The following E2F3 variants were observed in gnomAD, a reference collection of about 807,000 sequenced individuals.
E2F3 encodes the protein transcription factor E2F3.
Under a neutral mutation model 44.4 loss-of-function variants are expected in E2F3, and 11 were observed. That is an observed-to-expected ratio of 0.25 (90% CI 0.16 to 0.41). E2F3 has a LOEUF of 0.41. E2F3 is among the 10% of genes least tolerant of loss of function. E2F3 has a pLI of 1.00. For synonymous variants in E2F3, 249 were observed against 253.0 expected (o/e 0.98, Z 0.15); for missense variants, 487 against 583.6 (o/e 0.83, Z 1.70).
At position 20,490,464 on chromosome 6, in the gene E2F3, T is replaced by C. The variant is rs1248478834; in HGVS notation, c.*34T>C. 3.3e-6 allele frequency: 5 copies of C among 1,516,478 alleles called. No homozygotes were observed. The highest frequency in any genetic ancestry group is 4.4e-6 in the Non-Finnish European group (5 of 1,131,732). The allele number at this position is 1,516,478 out of a possible 1,614,324, so 93.9% of individuals were successfully genotyped here. The stretch of plus-strand genomic sequence containing the variant: ...CGTGTGAACTCTCCTTAAAAACCGA[T>C]ATTTTTTTATCATGGAACCAGAACA... On this transcript the variant is annotated 3_prime_UTR_variant, in exon 7 of 7. Coordinates refer to ENST00000346618, the MANE Select transcript of E2F3 (RefSeq NM_001949.5). The surrounding 1 kb of genome is among the most constrained non-coding windows in gnomAD (Gnocchi z 4.3).
chr6:20,403,359 C>T (rs1034497635), intron 1 of E2F3, among the ~76,000 whole-genome samples: 8 of 151,890 alleles, frequency 5.3e-5, no homozygotes, highest in African/African-American at 1.7e-4. Flanking sequence ...CCCAAGCGCC[C>T]AGGCCTTCCT....
chr6:20,490,333 A>G lies in E2F3; in HGVS notation c.1301A>G (p.Tyr434Cys). ...NLLPPLLQED[Y>C]LLSLGEEEGI... ...CTGCCTCCCCTGCTGCAAGAGGACT[A>G]TCTCCTGAGCCTCGGGGAGGAGGAA... Residue 434 changes from tyrosine (Y) to cysteine (C), a missense_variant, in exon 7 of 7, where the codon TAT becomes TGT. Physicochemically the swap from Tyr to Cys is radical, Grantham distance 194. Coordinates refer to ENST00000346618, the MANE Select transcript of E2F3 (RefSeq NM_001949.5). The surrounding 1 kb of genome is among the most constrained non-coding windows in gnomAD (Gnocchi z 4.3). 2 of 1,614,060 alleles carry G rather than the reference A, an allele frequency of 1.2e-6. No homozygotes were observed. The highest frequency in any genetic ancestry group is 1.3e-5 in the African/African-American group (1 of 75,040).
rs111372536 is a variant in E2F3, at chr6:20,460,072, C to G, written c.394-19774C>G. On this transcript the variant is annotated intron_variant, in intron 1 of 6. Coordinates refer to ENST00000346618, the MANE Select transcript of E2F3 (RefSeq NM_001949.5). ...TCTCATCCGCTCATTCATTCTTTCA[C>G]TAAATGTTATTCTTTGTCAGTGTTC... 5.6e-3 allele frequency among the ~76,000 whole-genome samples: 856 copies of G among 152,358 alleles called. 9 individuals carry two copies. The highest frequency in any genetic ancestry group is 0.019 in the African/African-American group (788 of 41,582).
rs80004861 is a variant in E2F3, at chr6:20,420,975, A to C, written c.393+18350A>C. The stretch of plus-strand genomic sequence containing the variant: ...GCTGCTTTATCAACTAAATTTATGC[A>C]ATATCCCAAATCCTTTGTTGTCATT... On this transcript the variant is annotated intron_variant, in intron 1 of 6. Coordinates refer to ENST00000346618, the MANE Select transcript of E2F3 (RefSeq NM_001949.5). 1.3e-3 allele frequency among the ~76,000 whole-genome samples: 204 copies of C among 152,344 alleles called. 2 individuals are homozygous for C. The East Asian group carries it at 0.036, about 27-fold the overall frequency.
intron 1 of E2F3, among the ~76,000 whole-genome samples, chr6:20,404,584 T>G (rs959290217): frequency 2.6e-5 from 4 of 152,170 alleles, no homozygotes; most frequent in Admixed American, 1.3e-4. Context: ...CTTTGGGAAA[T>G]GGGATGGGTT....
intron 1 of E2F3, among the ~76,000 whole-genome samples, chr6:20,461,071 T>C (rs9465755): frequency 0.68 from 101,315 of 148,556 alleles, 35,319 homozygotes; most frequent in Non-Finnish European, 0.78. Context: ...TCCTCCAAAA[T>C]AGTTATACTA....
chr6:20,480,231 A>G (rs183742143), intron 2 of E2F3, among the ~76,000 whole-genome samples: 64 of 152,296 alleles, frequency 4.2e-4, no homozygotes, highest in Middle Eastern at 3.4e-3. Flanking sequence ...ACCATTCTAT[A>G]TCAAATTTAA....
chr6:20,437,215 A>G (rs187366778), intron 1 of E2F3, among the ~76,000 whole-genome samples: 8 of 152,360 alleles, frequency 5.3e-5, no homozygotes, highest in Non-Finnish European at 1.5e-5. Context: ...AAGAAACTTC[A>G]AAGCAGTCAT....
chr6:20,402,545 G>A lies in E2F3; in HGVS notation c.313G>A (p.Gly105Arg). 1.3e-6 allele frequency: 2 copies of A among 1,592,432 alleles called. No homozygotes were observed. Among genetic ancestry groups the A allele is most frequent in the Admixed American group, 1.7e-5 (1 of 59,390 alleles). Residue 105 changes from glycine to arginine, a missense_variant, in exon 1 of 7, where the codon GGA becomes AGA. Transcript: ENST00000346618. This position sits in a 1 kb window ranked among gnomAD's most constrained non-coding sequence, Gnocchi z 5.6. ...CAGCCTCCTCTACACCACGCCGCAC[G>A]GACCCTCCAGCAGAGCCGGGCTGCT... ...AGSLLYTTPH[G>R]PSSRAGLLQQ...
In E2F3 at chr6:20,490,869, T is replaced by G. The variant is rs1367694820; in HGVS notation, c.*439T>G. 1 of 229,560 alleles carries G rather than the reference T, an allele frequency of 4.4e-6. No homozygotes were observed. The highest frequency in any genetic ancestry group is 2.2e-5 in the African/African-American group (1 of 45,150). 14.2% of individuals were successfully genotyped at this position (229,560 alleles called of 1,614,324 possible). ...AGCCGTGCCTTCTCCGCAGAATGCA[T>G]GTCTTTGAGGTCTGCTAATATGGAA... is the stretch of plus-strand genomic sequence containing the variant. On this transcript the variant is annotated 3_prime_UTR_variant, in exon 7 of 7. Transcript: ENST00000346618. This position sits in a 1 kb window ranked among gnomAD's most constrained non-coding sequence, Gnocchi z 4.3.
chr6:20,491,818 A>G lies in E2F3; in HGVS notation c.*1388A>G, dbSNP rs1762561265. On this transcript the variant is annotated 3_prime_UTR_variant, in exon 7 of 7. Coordinates refer to ENST00000346618, the MANE Select transcript of E2F3 (RefSeq NM_001949.5). ...ACCAAGGGAAGTCGGGGACGTAAAA[A>G]ATGAAGCAAAACAATGCCAGGGTGT... 1.1e-5 allele frequency: 2 copies of G among 179,682 alleles called. No individual in the cohort carries two copies. Among genetic ancestry groups the G allele is most frequent in the Admixed American group, 6.3e-5 (1 of 15,864 alleles). The allele number at this position is 179,682 out of a possible 1,614,324, so 11.1% of individuals were successfully genotyped here. A position where few individuals can be genotyped will look rare whatever the true frequency, so the allele number is the denominator to read the frequency against.
At chr6:20,422,392 T>C (rs1324364597) in intron 1 of E2F3, among the ~76,000 whole-genome samples, 1 of 152,208 alleles carries the variant, frequency 6.6e-6, no homozygotes. Flanking sequence ...TCAAACTTTC[T>C]CCATATCAGT....
At position 20,407,875 on chromosome 6, in the gene E2F3, C is replaced by A. The variant is rs189280187; in HGVS notation, c.393+5250C>A. On this transcript the variant is annotated intron_variant, in intron 1 of 6. Transcript: ENST00000346618. ...AACTAGGATGAGTCAAAATCAATTGCCTATGCTCACCAGATCCCTGATAAA... is the reference window on the plus strand; with the variant it reads ...AACTAGGATGAGTCAAAATCAATTGACTATGCTCACCAGATCCCTGATAAA... Among the ~76,000 whole-genome samples the A allele has an allele frequency of 4.6e-5, 7 of 152,306 alleles. No individual in the cohort carries two copies. In the East Asian group the frequency reaches 1.3e-3, roughly 29 times the overall value.
At position 20,481,217 on chromosome 6, in the gene E2F3, C is replaced by T. The variant is rs1225039532; in HGVS notation, c.517C>T (p.Pro173Ser). The T allele has an allele frequency of 6.2e-7, 1 of 1,613,776 alleles. No homozygotes were observed. Among genetic ancestry groups the T allele is most frequent in the Non-Finnish European group, 8.5e-7 (1 of 1,179,820 alleles). The change falls in exon 3 of 7, where the codon CCC becomes TCC. Residue 173 changes from proline to serine, a missense_variant. Pro to Ser is a moderately conservative substitution (Grantham distance 74). Coordinates refer to ENST00000346618, the MANE Select transcript of E2F3 (RefSeq NM_001949.5). ...TGTTTTTCTTTAAGCTCCAAAATCT[C>T]CCTCAGAAAAAACGCGGTATGATAC... ...SPDSPKTPKS[P>S]SEKTRYDTSL...
intron 1 of E2F3, among the ~76,000 whole-genome samples, chr6:20,478,485 C>G (rs951684039): frequency 6.6e-6 from 1 of 152,114 alleles, no homozygotes; most frequent in African/African-American, 2.4e-5. Flanking sequence ...TTATTACTTA[C>G]GTTTTCACAT....
At chr6:20,445,135 A>G in intron 1 of E2F3, 2 of 985,416 alleles carry the variant, frequency 2.0e-6, no homozygotes, top group Non-Finnish European at 2.4e-6. Context: ...TTTTTGTGTA[A>G]GAATCCCTAG....
At chr6:20,431,015 ACT>A (rs1760381983) in intron 1 of E2F3, among the ~76,000 whole-genome samples, 1 of 152,074 alleles carries the variant, frequency 6.6e-6, no homozygotes, top group Non-Finnish European at 1.5e-5. Flanking sequence ...ACCAAGAGAG[ACT>A]CTGTCTCAAG....
chr6:20,481,185 C>T, intron 2 of E2F3, 21 bp from the exon 3 acceptor site: 2 of 1,611,248 alleles, frequency 1.2e-6, no homozygotes, highest in Admixed American at 1.7e-5. Flanking sequence ...CCCACCCGCT[C>T]GGTTTTTGTT....
chr6:20,445,912 C>T (rs188157375), intron 1 of E2F3, among the ~76,000 whole-genome samples: 111 of 152,324 alleles, frequency 7.3e-4, no homozygotes, highest in African/African-American at 2.3e-3. Flanking sequence ...GTCCCAGCAG[C>T]TCAGGGTGCA....
Sources: gnomAD v4.1 joint callset for allele counts (sites outside exome capture counted in the v4.1 genomes callset) on GRCh38, gnomAD v4.1.1 for gene constraint, Gnocchi (gnomAD v3.1) non-coding constraint, MANE v1.5 for transcripts, NCBI Gene and HGNC (gene_info 2026-07-23, HGNC 2026-07-21) for gene names.